Variants in ATF7IP2 observed in about 807,000 individuals in gnomAD.
ATF7IP2 encodes the protein activating transcription factor 7-interacting protein 2.
Under a neutral mutation model 64.2 loss-of-function variants are expected in ATF7IP2, and 42 were observed. The ratio of observed to expected loss-of-function variants is 0.65; its 90% confidence interval spans 0.51 to 0.85. The LOEUF is 0.85. Ranked by LOEUF, ATF7IP2 falls within the 40% of genes least tolerant of loss-of-function variation. The pLI is 0.00. For synonymous variants in ATF7IP2, 308 were observed against 272.8 expected (o/e 1.13, Z -1.27); for missense variants, 933 against 784.2 (o/e 1.19, Z -2.27).
At chr16:10,441,699 G>T (rs549766603) in intron 8 of ATF7IP2, among the ~76,000 whole-genome samples, 1 of 152,184 alleles carries the variant, frequency 6.6e-6, no homozygotes. Flanking sequence ...TAGGTTGCCT[G>T]TTCACTCTGA....
chr16:10,432,991 G>A (rs12597992), intron 5 of ATF7IP2, among the ~76,000 whole-genome samples: 27,927 of 152,058 alleles, frequency 0.18, 3,264 homozygotes, highest in African/African-American at 0.33. Flanking sequence ...TGTGTATTGA[G>A]TTATTAAGTA....
At chr16:10,424,429 C>G (rs1182748540) in intron 3 of ATF7IP2, among the ~76,000 whole-genome samples, 1 of 152,114 alleles carries the variant, frequency 6.6e-6, no homozygotes, top group Non-Finnish European at 1.5e-5. Context: ...TTCTTAGGAC[C>G]TTGGATTAGG....
intron 6 of ATF7IP2, 45 bp from the exon 7 acceptor site, chr16:10,438,055 TA>T: frequency 6.9e-7 from 1 of 1,457,876 alleles, no homozygotes. Flanking sequence ...AAATTGCTTT[TA>T]AATTTGAAAC....
At chr16:10,389,412 T>G (rs2047275177) in intron 1 of ATF7IP2, among the ~76,000 whole-genome samples, 1 of 152,214 alleles carries the variant, frequency 6.6e-6, no homozygotes, top group Non-Finnish European at 1.5e-5. Context: ...CCCTTGGGCA[T>G]AAGACCTGGC....
At chr16:10,440,549 G>C in intron 8 of ATF7IP2, 87 bp downstream of exon 8, 1 of 779,758 alleles carries the variant, frequency 1.3e-6, no homozygotes, top group Non-Finnish European at 2.0e-6. Context: ...TTCCAGGCTA[G>C]GACAGAAGGT....
chr16:10,432,475 C>T (rs553640603), intron 5 of ATF7IP2, among the ~76,000 whole-genome samples: 2 of 152,036 alleles, frequency 1.3e-5, no homozygotes, highest in African/African-American at 4.8e-5. Flanking sequence ...TGTGGTGGCT[C>T]ATGCCTGTAA....
At chr16:10,404,869 G>C (rs2047604836) in intron 1 of ATF7IP2, among the ~76,000 whole-genome samples, 1 of 152,038 alleles carries the variant, frequency 6.6e-6, no homozygotes, top group Non-Finnish European at 1.5e-5. Context: ...GTCAGAATGG[G>C]ATGGAATGGG....
intron 11 of ATF7IP2, 25 bp from the exon 12 acceptor site, chr16:10,473,894 CTTTT>C (rs56766112): frequency 1.6e-5 from 17 of 1,044,202 alleles, no homozygotes; most frequent in African/African-American, 1.0e-4. Flanking sequence ...TGAGGCAAAG[CTTTT>C]TTTTTTTTTT....
rs138766587 is a variant in ATF7IP2 at position 10,444,391 on chromosome 16, C to T, written c.1194+3929C>T. Among the ~76,000 whole-genome samples, 249 of 152,188 alleles carry T rather than the reference C, an allele frequency of 1.6e-3. 1 individual carries two copies. Among genetic ancestry groups the T allele is most frequent in the African/African-American group, 5.8e-3 (241 of 41,528 alleles). On this transcript the variant is annotated intron_variant, in intron 8 of 13. Coordinates refer to ENST00000562102, the MANE Select transcript of ATF7IP2 (RefSeq NM_001393719.1). ...AGTGGTTAGGGGCACTAGATAAGGT[C>T]TCCCAGGTTGGTTCGAGTTTTTCTT...
At chr16:10,470,587 C>T (rs192227853) in intron 9 of ATF7IP2, among the ~76,000 whole-genome samples, 107 of 152,024 alleles carry the variant, frequency 7.0e-4, no homozygotes, top group Non-Finnish European at 1.3e-3. Flanking sequence ...AGTTCAAGAC[C>T]AGCCTGGCCA....
intron 1 of ATF7IP2, 55 bp from the exon 2 acceptor site, chr16:10,414,519 T>G (rs1017934061): frequency 6.6e-5 from 10 of 152,082 alleles, no homozygotes; most frequent in Non-Finnish European, 1.5e-4. Flanking sequence ...GGCTTCACCT[T>G]TCTCTGGTGC....
rs2047832386 is a variant in ATF7IP2 at position 10,414,606 on chromosome 16, A to T, written c.-209A>T. 1 of 125,532 alleles carries T rather than the reference A, an allele frequency of 8.0e-6. No homozygotes were observed. Among genetic ancestry groups the T allele is most frequent in the Non-Finnish European group, 1.6e-5 (1 of 63,976 alleles). The allele number at this position is 125,532 out of a possible 1,614,324, so 7.8% of individuals were successfully genotyped here. A position where few individuals can be genotyped will look rare whatever the true frequency, so the allele number is the denominator to read the frequency against. On this transcript the variant is annotated 5_prime_UTR_variant, in exon 2 of 14. Transcript: ENST00000562102. ...AGGGATTTCTTCTTGGTTTGGATCC[A>T]CTGCTGGTGAGCTAGTGTGATTGTG...
intron 6 of ATF7IP2, among the ~76,000 whole-genome samples, chr16:10,435,966 A>G (rs1296906147): frequency 6.6e-6 from 1 of 152,206 alleles, no homozygotes; most frequent in African/African-American, 2.4e-5. Context: ...TCCAAGATTC[A>G]TGTGGGTATG....
intron 1 of ATF7IP2, among the ~76,000 whole-genome samples, chr16:10,401,149 T>C (rs368342340): frequency 1.3e-4 from 20 of 152,248 alleles, no homozygotes; most frequent in South Asian, 8.3e-4. Flanking sequence ...AAAACCCGCT[T>C]GATTATGGTT....
intron 6 of ATF7IP2, among the ~76,000 whole-genome samples, chr16:10,435,565 A>G (rs940453552): frequency 6.6e-6 from 1 of 152,212 alleles, no homozygotes; most frequent in African/African-American, 2.4e-5. Context: ...CATTACCATT[A>G]AATTAGAACA....
chr16:10,405,831 C>T (rs2047627682), intron 1 of ATF7IP2, among the ~76,000 whole-genome samples: 1 of 152,182 alleles, frequency 6.6e-6, no homozygotes, highest in African/African-American at 2.4e-5. Flanking sequence ...CCAACTCTGT[C>T]CTTAACCCTT....
At chr16:10,450,337 G>A (rs112254883) in intron 8 of ATF7IP2, among the ~76,000 whole-genome samples, 5,770 of 152,198 alleles carry the variant, frequency 0.038, 147 homozygotes, top group Middle Eastern at 0.065. Context: ...AGGTCCACTT[G>A]GTCCAGAGTT....
At chr16:10,415,657 A>G (rs2047858015) in intron 2 of ATF7IP2, among the ~76,000 whole-genome samples, 1 of 152,248 alleles carries the variant, frequency 6.6e-6, no homozygotes, top group South Asian at 2.1e-4. Flanking sequence ...AACAATCTAC[A>G]AAGTAAAGAG....
intron 9 of ATF7IP2, among the ~76,000 whole-genome samples, chr16:10,464,859 C>T (rs574017183): frequency 6.6e-6 from 1 of 152,138 alleles, no homozygotes; most frequent in East Asian, 1.9e-4. Flanking sequence ...GACGGAGTTT[C>T]GCTCTTGTTA....
Sources: allele counts gnomAD v4.1 joint callset (sites outside exome capture counted in the v4.1 genomes callset), GRCh38; gene constraint gnomAD v4.1.1; transcripts MANE v1.5; gene names NCBI Gene and HGNC (gene_info 2026-07-23, HGNC 2026-07-21).